The following CAMKK2 variants were observed in gnomAD, a reference collection of about 807,000 sequenced individuals.
CAMKK2 encodes the protein calcium/calmodulin-dependent protein kinase kinase 2.
Under a neutral mutation model 67.2 loss-of-function variants are expected in CAMKK2, and 30 were observed. The observed-to-expected ratio is 0.45, with a 90% CI of 0.33 to 0.61. CAMKK2 has a LOEUF of 0.61. Ranked by LOEUF, CAMKK2 falls within the 20% of genes least tolerant of loss-of-function variation. CAMKK2 has a pLI of 0.02. For missense variants in CAMKK2, 643 were observed against 802.0 expected (o/e 0.80, Z 2.39); for synonymous variants, 322 against 326.2 (o/e 0.99, Z 0.14).
intron 14 of CAMKK2, 77 bp downstream of exon 14, chr12:121,248,529 G>T: frequency 6.4e-7 from 1 of 1,571,598 alleles, no homozygotes; most frequent in Non-Finnish European, 8.7e-7. Flanking sequence ...GCACCCGCCT[G>T]TGTCCGGCCT....
intron 16 of CAMKK2, among the ~76,000 whole-genome samples, chr12:121,242,844 G>A (rs1391914479): frequency 6.6e-6 from 1 of 152,090 alleles, no homozygotes; most frequent in East Asian, 1.9e-4. Context: ...CCGGGTTCAC[G>A]CCATTCTCCT....
intron 11 of CAMKK2, among the ~76,000 whole-genome samples, chr12:121,250,579 T>C (rs542506804): frequency 1.3e-5 from 2 of 152,304 alleles, no homozygotes; most frequent in South Asian, 4.1e-4. Context: ...GAGGACTTCC[T>C]GAAGCCCTGT....
At chr12:121,241,230 T>A (rs994341899) in intron 16 of CAMKK2, among the ~76,000 whole-genome samples, 1 of 152,054 alleles carries the variant, frequency 6.6e-6, no homozygotes, top group Admixed American at 6.5e-5. Context: ...GGTACTTCGA[T>A]CCCCCACTTA....
chr12:121,295,253 T>C (rs1593542896), intron 1 of CAMKK2, among the ~76,000 whole-genome samples: 1 of 152,214 alleles, frequency 6.6e-6, no homozygotes, highest in South Asian at 2.1e-4. Context: ...AAATATGTTT[T>C]GCGTCCTCAT....
At position 121,269,764 on chromosome 12, in the gene CAMKK2, C is replaced by T. The variant is rs1895345461; in HGVS notation, c.520-183G>A. 5 of 593,156 alleles carry T rather than the reference C, an allele frequency of 8.4e-6. No individual in the cohort carries two copies. The South Asian group carries it at 1.0e-4, about 12-fold the overall frequency. 36.7% of individuals were successfully genotyped at this position (593,156 alleles called of 1,614,324 possible). A position where few individuals can be genotyped will look rare whatever the true frequency, so the allele number is the denominator to read the frequency against. On this transcript the variant is annotated intron_variant, in intron 3 of 16. Coordinates refer to ENST00000404169, the MANE Select transcript of CAMKK2 (RefSeq NM_001270485.2). ...TGCCAAGATTTAAAAACAGAAAGAT[C>T]TGGGCGGAGCGCAGTGGCTCATACC...
intron 2 of CAMKK2, among the ~76,000 whole-genome samples, chr12:121,273,823 C>T (rs567537891): frequency 2.0e-5 from 3 of 152,234 alleles, no homozygotes; most frequent in African/African-American, 7.2e-5. Context: ...CACTGGTAAT[C>T]GGCTCCATGA....
chr12:121,268,714 C>G, intron 4 of CAMKK2, 25 bp from the exon 5 acceptor site: 1 of 1,612,706 alleles, frequency 6.2e-7, no homozygotes, highest in Non-Finnish European at 8.5e-7. Context: ...AGGACAGCAC[C>G]TTTAGCCAGG....
intron 1 of CAMKK2, among the ~76,000 whole-genome samples, chr12:121,290,143 C>G (rs1899708639): frequency 6.6e-6 from 1 of 152,174 alleles, no homozygotes; most frequent in Non-Finnish European, 1.5e-5. Flanking sequence ...TTTCTGTACT[C>G]CGCTTCCCTT....
Position 121,239,096 on chromosome 12 carries a change from A to T in CAMKK2, c.*1603T>A, listed in dbSNP as rs1235516111. ...GAGCTTAGGATCTATGGAAGCCAAG[A>T]AGGCCCAGGGCTCCATGAATGGGCT... On this transcript the variant is annotated 3_prime_UTR_variant, in exon 17 of 17. Coordinates refer to ENST00000404169, the MANE Select transcript of CAMKK2 (RefSeq NM_001270485.2). The T allele has an allele frequency of 6.6e-6, 1 of 152,326 alleles. No individual in the cohort carries two copies. Among genetic ancestry groups the T allele is most frequent in the Non-Finnish European group, 1.5e-5 (1 of 68,098 alleles). 9.4% of individuals were successfully genotyped at this position (152,326 alleles called of 1,614,324 possible). A position where few individuals can be genotyped will look rare whatever the true frequency, so the allele number is the denominator to read the frequency against.
intron 1 of CAMKK2, among the ~76,000 whole-genome samples, chr12:121,277,186 C>T (rs1896980099): frequency 2.0e-5 from 3 of 152,308 alleles, no homozygotes; most frequent in South Asian, 2.1e-4. Context: ...GAAAACCCAA[C>T]GCCCCAGCCC....
chr12:121,261,796 C>T (rs1167571667), intron 6 of CAMKK2, among the ~76,000 whole-genome samples: 2 of 152,246 alleles, frequency 1.3e-5, no homozygotes, highest in Admixed American at 6.5e-5. Flanking sequence ...CAGGAACCAC[C>T]ACGGCCATCT....
chr12:121,251,427 A>G (rs1359433462), intron 11 of CAMKK2, among the ~76,000 whole-genome samples: 1 of 152,190 alleles, frequency 6.6e-6, no homozygotes, highest in Non-Finnish European at 1.5e-5. Context: ...TTACTTCTTC[A>G]TGGGACCAGT....
intron 7 of CAMKK2, 106 bp downstream of exon 7, chr12:121,260,213 T>C (rs1893157814): frequency 2.2e-6 from 2 of 930,188 alleles, no homozygotes; most frequent in Admixed American, 6.3e-5. Flanking sequence ...AAGGGAAAGC[T>C]GTCTTTGGTG....
At chr12:121,270,845 T>A in intron 3 of CAMKK2, 53 bp downstream of exon 3, 1 of 1,445,590 alleles carries the variant, frequency 6.9e-7, no homozygotes, top group Non-Finnish European at 9.7e-7. Flanking sequence ...CTCCACAGTA[T>A]CTGAACGCCC....
At chr12:121,248,369 G>A (rs1171093042) in intron 14 of CAMKK2, among the ~76,000 whole-genome samples, 1 of 152,236 alleles carries the variant, frequency 6.6e-6, no homozygotes, top group East Asian at 1.9e-4. Flanking sequence ...AGCTCTGAAA[G>A]CAGGAATTCC....
intron 1 of CAMKK2, among the ~76,000 whole-genome samples, chr12:121,276,715 G>A (rs771810436): frequency 3.9e-5 from 6 of 151,962 alleles, no homozygotes; most frequent in South Asian, 2.1e-4. Context: ...GTGAAACCCC[G>A]TCTCTACTAA....
At chr12:121,243,041 CTTTT>C (rs571140733) in intron 16 of CAMKK2, among the ~76,000 whole-genome samples, 1 of 150,468 alleles carries the variant, frequency 6.6e-6, no homozygotes, top group Non-Finnish European at 1.5e-5. Context: ...CGCGCCCAGC[CTTTT>C]TTTTTGAGAC....
At chr12:121,246,552 A>C (rs1362409880) in intron 14 of CAMKK2, among the ~76,000 whole-genome samples, 1 of 151,926 alleles carries the variant, frequency 6.6e-6, no homozygotes, top group Non-Finnish European at 1.5e-5. Context: ...ATCTCAAAAA[A>C]AAAAGAGAGA....
Position 121,253,045 on chromosome 12 carries a change from G to A in CAMKK2, c.1107+228C>T, listed in dbSNP as rs759980543. ...TGATAGAAAGTAACCTGGTCCCTGG[G>A]TGCCTGACCCACCTGTGGAGGAAAC... On this transcript the variant is annotated intron_variant, in intron 10 of 16. Coordinates refer to ENST00000404169, the MANE Select transcript of CAMKK2 (RefSeq NM_001270485.2). The surrounding 1 kb of genome is among the most constrained non-coding windows in gnomAD (Gnocchi z 5.0). Among the ~76,000 whole-genome samples, 1 of 152,206 alleles carries A rather than the reference G, an allele frequency of 6.6e-6. No homozygotes were observed. The highest frequency in any genetic ancestry group is 1.5e-5 in the Non-Finnish European group (1 of 68,042).
Sources: allele counts gnomAD v4.1 joint callset (sites outside exome capture counted in the v4.1 genomes callset), GRCh38; gene constraint gnomAD v4.1.1; non-coding constraint Gnocchi (gnomAD v3.1); transcripts MANE v1.5; gene names NCBI Gene and HGNC (gene_info 2026-07-23, HGNC 2026-07-21).